Variants in TMEM163 observed in about 807,000 individuals in gnomAD.
TMEM163 encodes transmembrane protein 163.
In TMEM163, 17 loss-of-function variants were observed where a neutral mutation model predicts 29.3. The observed-to-expected ratio is 0.58, with a 90% confidence interval of 0.40 to 0.87. The LOEUF is 0.87. Ranked by LOEUF, TMEM163 falls within the 40% of genes least tolerant of loss-of-function variation. The pLI, the probability that TMEM163 is intolerant of heterozygous loss-of-function variation, is 0.00. For missense variants in TMEM163, 303 were observed against 381.5 expected (o/e 0.79, Z 1.71); for synonymous variants, 157 against 160.6 (o/e 0.98, Z 0.17).
intron 2 of TMEM163, among the ~76,000 whole-genome samples, chr2:134,653,081 C>G (rs1005702310): frequency 4.9e-5 from 6 of 122,534 alleles, no homozygotes; most frequent in Non-Finnish European, 9.7e-5. Flanking sequence ...AGGGAGGATT[C>G]CCTCTTTTTC....
intron 5 of TMEM163, among the ~76,000 whole-genome samples, chr2:134,476,114 G>A (rs140009780): frequency 3.9e-4 from 60 of 152,282 alleles, no homozygotes; most frequent in African/African-American, 1.4e-3. Flanking sequence ...ACTGTCATCT[G>A]TCCAGACAAC....
chr2:134,671,588 C>T (rs1683997434), intron 2 of TMEM163, among the ~76,000 whole-genome samples: 3 of 152,204 alleles, frequency 2.0e-5, no homozygotes, highest in Admixed American at 1.3e-4. Context: ...AATACCTCCA[C>T]CACCCTCTTC....
intron 2 of TMEM163, among the ~76,000 whole-genome samples, chr2:134,689,110 G>GT (rs5834423): frequency 0.098 from 12,865 of 130,820 alleles, 1,245 homozygotes; most frequent in African/African-American, 0.24. Context: ...TTTTTGTTTT[G>GT]TTTTTTTTTT....
chr2:134,619,321 T>C (rs189332179), intron 2 of TMEM163, among the ~76,000 whole-genome samples: 2 of 152,336 alleles, frequency 1.3e-5, no homozygotes, highest in African/African-American at 4.8e-5. Context: ...GTGAAACCAA[T>C]GTCCTTTATG....
chr2:134,508,394 T>G (rs1679873558), intron 4 of TMEM163, among the ~76,000 whole-genome samples: 1 of 152,212 alleles, frequency 6.6e-6, no homozygotes, highest in Non-Finnish European at 1.5e-5. Context: ...GTGAAGCAAA[T>G]AATGAAAAAT....
chr2:134,461,845 T>TGGCTCTGCC (rs1686545699), intron 6 of TMEM163, among the ~76,000 whole-genome samples: 1 of 152,226 alleles, frequency 6.6e-6, no homozygotes, highest in Non-Finnish European at 1.5e-5. Flanking sequence ...AGGGGATGCT[T>TGGCTCTGCC]GGCTCTGCCA....
chr2:134,707,040 G>A (rs1358510925), intron 2 of TMEM163, among the ~76,000 whole-genome samples: 5 of 152,140 alleles, frequency 3.3e-5, no homozygotes, highest in Admixed American at 2.0e-4. Flanking sequence ...CGGGTTTATC[G>A]TTCCCAAGCA....
chr2:134,530,665 AAAAC>A (rs1218385540), intron 4 of TMEM163, among the ~76,000 whole-genome samples: 1 of 152,238 alleles, frequency 6.6e-6, no homozygotes, highest in African/African-American at 2.4e-5. Flanking sequence ...TATAGAAGAA[AAAAC>A]AAACAAAACT....
At chr2:134,547,290 C>T (rs1255240710) in intron 4 of TMEM163, among the ~76,000 whole-genome samples, 3 of 152,092 alleles carry the variant, frequency 2.0e-5, no homozygotes, top group Non-Finnish European at 2.9e-5. Context: ...GGTGCTGAAA[C>T]CAAACTCTCT....
chr2:134,595,580 G>A (rs2104805716), intron 2 of TMEM163, among the ~76,000 whole-genome samples: 1 of 152,300 alleles, frequency 6.6e-6, no homozygotes, highest in Admixed American at 6.5e-5. Flanking sequence ...AAACATATGT[G>A]TGCGTGTGTC....
At chr2:134,568,076 A>G (rs1177212057) in intron 2 of TMEM163, among the ~76,000 whole-genome samples, 1 of 152,252 alleles carries the variant, frequency 6.6e-6, no homozygotes, top group Admixed American at 6.5e-5. Flanking sequence ...TAATAGAATA[A>G]GGTAATTTAC....
At chr2:134,533,128 C>A (rs1207159658) in intron 4 of TMEM163, among the ~76,000 whole-genome samples, 2 of 152,088 alleles carry the variant, frequency 1.3e-5, no homozygotes, top group East Asian at 3.9e-4. Context: ...CCATAAATGT[C>A]ATCACAACAT....
chr2:134,689,901 T>A (rs139305013), intron 2 of TMEM163, among the ~76,000 whole-genome samples: 1 of 151,274 alleles, frequency 6.6e-6, no homozygotes, highest in Non-Finnish European at 1.5e-5. Context: ...AAAAGTCAAC[T>A]TGCTCCTTTG....
intron 2 of TMEM163, among the ~76,000 whole-genome samples, chr2:134,682,980 C>T (rs1275511878): frequency 6.6e-6 from 1 of 151,984 alleles, no homozygotes; most frequent in Non-Finnish European, 1.5e-5. Context: ...ACGGAGGAAC[C>T]GTAAACGCAT....
intron 2 of TMEM163, among the ~76,000 whole-genome samples, chr2:134,586,983 A>T (rs1255527726): frequency 6.6e-6 from 1 of 152,164 alleles, no homozygotes; most frequent in Non-Finnish European, 1.5e-5. Context: ...CAAAATGAGA[A>T]GGGGAAACAG....
rs1349015878 is a variant in TMEM163 at position 134,598,086 on chromosome 2, A to C, written c.323-45995T>G. Among the ~76,000 whole-genome samples, 8 of 152,290 alleles carry C rather than the reference A, an allele frequency of 5.3e-5. No individual in the cohort carries two copies. The South Asian group carries it at 8.3e-4, about 16-fold the overall frequency. ...GCTCCTGGATTCATTGATGTTTTGA[A>C]GGGTTTTTTGTGTGTCTGTCTCCTT... On this transcript the variant is annotated intron_variant, in intron 2 of 7. Transcript: ENST00000281924.
intron 2 of TMEM163, among the ~76,000 whole-genome samples, chr2:134,636,121 A>T (rs1173099505): frequency 6.6e-6 from 1 of 152,166 alleles, no homozygotes; most frequent in African/African-American, 2.4e-5. Context: ...GGACATGTGG[A>T]CCAAGGGTCT....
rs544201647 is a variant in TMEM163 at position 134,693,425 on chromosome 2, G to A, written c.322+19775C>T. On this transcript the variant is annotated intron_variant, in intron 2 of 7. Coordinates refer to ENST00000281924, the MANE Select transcript of TMEM163 (RefSeq NM_030923.5). ...AGTTCGAGACCACCCTGGCCAACAT[G>A]GCGAAACCCCATCTCTACTAAAAAT... Among the ~76,000 whole-genome samples, 9 of 152,052 alleles carry A rather than the reference G, an allele frequency of 5.9e-5. No homozygotes were observed. The South Asian group carries it at 1.7e-3, about 28-fold the overall frequency.
At chr2:134,513,687 C>T (rs921181558) in intron 4 of TMEM163, among the ~76,000 whole-genome samples, 2 of 152,200 alleles carry the variant, frequency 1.3e-5, no homozygotes, top group Non-Finnish European at 2.9e-5. Flanking sequence ...TTCATCCTCC[C>T]GCTTCATGGG....
Sources: gnomAD v4.1 joint callset for allele counts (sites outside exome capture counted in the v4.1 genomes callset) on GRCh38, gnomAD v4.1.1 for gene constraint, MANE v1.5 for transcripts, NCBI Gene and HGNC (gene_info 2026-07-23, HGNC 2026-07-21) for gene names.